SBF2: variants seen among roughly 807,000 people sequenced by gnomAD.
SBF2 encodes SET binding factor 2, also known as myotubularin-related protein 13.
SBF2 carries 112 observed loss-of-function variants against 225.2 expected under a neutral mutation model. That is an observed-to-expected ratio of 0.50 (90% CI 0.43 to 0.58). The LOEUF is 0.58. SBF2 is among the 20% of genes least tolerant of loss of function. The probability of loss-of-function intolerance (pLI) is 0.00; values close to 1 mark genes in which losing one functional copy is unlikely to be tolerated. For missense variants in SBF2, 1,996 were observed against 2,206.2 expected (o/e 0.90, Z 1.91); for synonymous variants, 763 against 773.3 (o/e 0.99, Z 0.22).
chr11:10,195,969 T>C lies in SBF2; in HGVS notation c.56-1982A>G, dbSNP rs76037444. On this transcript the variant is annotated intron_variant, in intron 1 of 39. Transcript: ENST00000256190. ...GGTTAATGAAACAAATTGCTAGGTGTTGGAGGTACACAAATGAAAAAGACA... is the reference window on the plus strand; with the variant it reads ...GGTTAATGAAACAAATTGCTAGGTGCTGGAGGTACACAAATGAAAAAGACA... 1.8e-3 allele frequency among the ~76,000 whole-genome samples: 280 copies of C among 152,284 alleles called. 1 individual carries two copies. The highest frequency in any genetic ancestry group is 6.6e-3 in the African/African-American group (275 of 41,538).
intron 24 of SBF2, among the ~76,000 whole-genome samples, chr11:9,844,552 G>A (rs1012613257): frequency 6.6e-6 from 1 of 151,906 alleles, no homozygotes; most frequent in African/African-American, 2.4e-5. Context: ...AGAAAATAAG[G>A]GTTCATACTA....
chr11:9,932,531 A>C (rs550893205), intron 16 of SBF2, among the ~76,000 whole-genome samples: 1 of 152,302 alleles, frequency 6.6e-6, no homozygotes, highest in East Asian at 1.9e-4. Context: ...CAGCCAAACT[A>C]AGCTTCATAA....
intron 2 of SBF2, among the ~76,000 whole-genome samples, chr11:10,106,727 C>T (rs2134992830): frequency 6.6e-6 from 1 of 150,532 alleles, no homozygotes; most frequent in East Asian, 1.9e-4. Flanking sequence ...AAAAAAGCCA[C>T]AGATTAAAAG....
intron 13 of SBF2, among the ~76,000 whole-genome samples, chr11:9,982,930 G>T (rs1947020281): frequency 6.6e-6 from 1 of 152,220 alleles, no homozygotes; most frequent in African/African-American, 2.4e-5. Flanking sequence ...CTGGGAGCTT[G>T]CCGGGTCCCA....
chr11:9,791,025 G>A (rs781465833), intron 33 of SBF2: 8 of 193,280 alleles, frequency 4.1e-5, no homozygotes, highest in Non-Finnish European at 6.4e-5. Context: ...GAAAATGGAA[G>A]GACTTCAGAG....
intron 16 of SBF2, among the ~76,000 whole-genome samples, chr11:9,928,254 G>A (rs1864207670): frequency 6.6e-6 from 1 of 152,084 alleles, no homozygotes; most frequent in African/African-American, 2.4e-5. Flanking sequence ...TCCAAACTCG[G>A]TAATAAGAAA....
intron 17 of SBF2, among the ~76,000 whole-genome samples, chr11:9,876,877 T>C (rs761212434): frequency 3.9e-5 from 6 of 152,040 alleles, no homozygotes; most frequent in Admixed American, 2.0e-4. Context: ...TAGCTGGGAT[T>C]ACAGGCGCCC....
intron 16 of SBF2, among the ~76,000 whole-genome samples, chr11:9,898,641 A>G (rs1861467871): frequency 1.3e-5 from 2 of 152,242 alleles, no homozygotes; most frequent in Non-Finnish European, 2.9e-5. Context: ...ATTGCACTCC[A>G]GCCTGGGCAA....
chr11:9,959,459 T>C lies in SBF2; in HGVS notation c.1860+2498A>G, dbSNP rs1440252542. ...TTGCTCACCATGTCCCTTATCCGTT[T>C]ACAGGTGTGCCTCAAATTGGTCTCT... is the stretch of plus-strand genomic sequence containing the variant. On this transcript the variant is annotated intron_variant, in intron 16 of 39. Coordinates refer to ENST00000256190, the MANE Select transcript of SBF2 (RefSeq NM_030962.4). 1.5e-5 allele frequency: 16 copies of C among 1,049,410 alleles called. No homozygotes were observed. In the South Asian group the frequency reaches 1.9e-4, roughly 12 times the overall value. 65.0% of individuals were successfully genotyped at this position (1,049,410 alleles called of 1,614,324 possible).
intron 2 of SBF2, among the ~76,000 whole-genome samples, chr11:10,123,903 G>C (rs1321419390): frequency 6.6e-6 from 1 of 152,032 alleles, no homozygotes; most frequent in Non-Finnish European, 1.5e-5. Flanking sequence ...CTACTGAGAC[G>C]GTTTTCAGTA....
In SBF2 at chr11:10,018,730, G is replaced by C. The variant is rs997021006; in HGVS notation, c.619+9722C>G. 2.0e-5 allele frequency among the ~76,000 whole-genome samples: 3 copies of C among 152,144 alleles called. No homozygotes were observed. In the East Asian group the frequency reaches 5.8e-4, roughly 29 times the overall value. On this transcript the variant is annotated intron_variant, in intron 6 of 39. Transcript: ENST00000256190. ...TGATTTGAGCAAGCATAGTACACCA[G>C]TCAACAAGGACTCAATTGGTCAATG...
intron 16 of SBF2, chr11:9,956,420 T>C (rs1196593264): frequency 6.6e-6 from 1 of 152,228 alleles, no homozygotes; most frequent in Middle Eastern, 3.2e-3. Flanking sequence ...CTCTATTTGT[T>C]CCATACATTT....
intron 32 of SBF2, among the ~76,000 whole-genome samples, chr11:9,797,193 G>A (rs1377805715): frequency 2.0e-5 from 3 of 152,226 alleles, no homozygotes; most frequent in Non-Finnish European, 4.4e-5. Flanking sequence ...CAGCCAAAGT[G>A]AGCAGGCATG....
chr11:10,057,466 C>A (rs2134740469), intron 2 of SBF2, among the ~76,000 whole-genome samples: 1 of 152,296 alleles, frequency 6.6e-6, no homozygotes, highest in Non-Finnish European at 1.5e-5. Flanking sequence ...GTCCCACAAA[C>A]CCCCCATATC....
At chr11:10,252,639 T>C (rs1960471203) in intron 1 of SBF2, among the ~76,000 whole-genome samples, 1 of 151,952 alleles carries the variant, frequency 6.6e-6, no homozygotes, top group African/African-American at 2.4e-5. Flanking sequence ...TGAAACCCCG[T>C]TTCTACTAAA....
At chr11:9,789,909 G>C (rs1852631483) in intron 34 of SBF2, among the ~76,000 whole-genome samples, 1 of 152,216 alleles carries the variant, frequency 6.6e-6, no homozygotes, top group South Asian at 2.1e-4. Flanking sequence ...AGATGAAGGA[G>C]GGGCATCTAA....
intron 2 of SBF2, among the ~76,000 whole-genome samples, chr11:10,053,824 G>A (rs1950150717): frequency 6.6e-6 from 1 of 151,990 alleles, no homozygotes; most frequent in Non-Finnish European, 1.5e-5. Flanking sequence ...GAAGGCTGGG[G>A]TAGGAGGATT....
chr11:10,099,368 T>C (rs143611213), intron 2 of SBF2, among the ~76,000 whole-genome samples: 1 of 152,270 alleles, frequency 6.6e-6, no homozygotes, highest in Non-Finnish European at 1.5e-5. Flanking sequence ...GCAAAAATGT[T>C]TTTCAGAAAT....
chr11:10,073,923 C>T (rs1293588582), intron 2 of SBF2, among the ~76,000 whole-genome samples: 1 of 152,044 alleles, frequency 6.6e-6, no homozygotes. Flanking sequence ...TGATAAATGA[C>T]ACTGTGGTTG....
Sources: gnomAD v4.1 joint callset for allele counts (sites outside exome capture counted in the v4.1 genomes callset) on GRCh38, gnomAD v4.1.1 for gene constraint, MANE v1.5 for transcripts, NCBI Gene and HGNC (gene_info 2026-07-23, HGNC 2026-07-21) for gene names.